VAT1L: variants seen among roughly 807,000 people sequenced by gnomAD.
VAT1L encodes vesicle amine transport 1 like.
VAT1L carries 34 observed loss-of-function variants against 44.1 expected under a neutral mutation model. The ratio of observed to expected loss-of-function variants is 0.77; its 90% CI spans 0.59 to 1.03. The LOEUF is 1.03. Among genes scored for constraint, VAT1L ranks in the 50% least tolerant of loss-of-function variants. The pLI is 0.00. For synonymous variants in VAT1L, 253 were observed against 202.2 expected (o/e 1.25, Z -2.13); for missense variants, 615 against 538.8 (o/e 1.14, Z -1.40).
chr16:77,922,407 C>G (rs555025070), intron 7 of VAT1L, among the ~76,000 whole-genome samples: 2 of 152,256 alleles, frequency 1.3e-5, no homozygotes, highest in South Asian at 4.1e-4. Flanking sequence ...ACAAAGGGAG[C>G]CTAAGCCACT....
chr16:77,821,578 C>G (rs1042944016), intron 2 of VAT1L, among the ~76,000 whole-genome samples: 1 of 152,156 alleles, frequency 6.6e-6, no homozygotes, highest in African/African-American at 2.4e-5. Context: ...CAGGCATGAG[C>G]CACCGTGCCC....
At chr16:77,892,599 T>G (rs2017279614) in intron 7 of VAT1L, 3 of 658,976 alleles carry the variant, frequency 4.6e-6, no homozygotes, top group South Asian at 4.1e-5. Flanking sequence ...ATTCCAGGGT[T>G]TATGTGTCAA....
intron 8 of VAT1L, among the ~76,000 whole-genome samples, chr16:77,975,865 G>A (rs985326358): frequency 2.0e-5 from 3 of 152,206 alleles, no homozygotes; most frequent in African/African-American, 7.2e-5. Context: ...AGAGAATAGA[G>A]GTGGCCTTTC....
At chr16:77,865,519 G>T (rs546572268) in intron 4 of VAT1L, among the ~76,000 whole-genome samples, 1 of 152,160 alleles carries the variant, frequency 6.6e-6, no homozygotes, top group Admixed American at 6.5e-5. Flanking sequence ...GAGTCTTAAC[G>T]GAGGGAGAGG....
intron 7 of VAT1L, among the ~76,000 whole-genome samples, chr16:77,899,603 T>C (rs948324569): frequency 6.6e-6 from 1 of 152,206 alleles, no homozygotes. Context: ...CCAAAATGTG[T>C]GTCATTTTCA....
At chr16:77,870,062 G>A (rs548975480) in intron 4 of VAT1L, among the ~76,000 whole-genome samples, 1 of 152,298 alleles carries the variant, frequency 6.6e-6, no homozygotes, top group East Asian at 1.9e-4. Context: ...GTAGTATTGC[G>A]AAGTACATAT....
At chr16:77,939,142 A>G (rs947550304) in intron 7 of VAT1L, among the ~76,000 whole-genome samples, 12 of 152,190 alleles carry the variant, frequency 7.9e-5, no homozygotes, top group Non-Finnish European at 1.8e-4. Context: ...TTCCTCTGCT[A>G]GCTAAACAGA....
chr16:77,908,727 A>G (rs534115219), intron 7 of VAT1L, among the ~76,000 whole-genome samples: 1 of 152,044 alleles, frequency 6.6e-6, no homozygotes, highest in South Asian at 2.1e-4. Context: ...CATCCTGGCT[A>G]ACACAGCGAA....
intron 7 of VAT1L, among the ~76,000 whole-genome samples, chr16:77,920,789 C>T (rs536889500): frequency 6.6e-6 from 1 of 152,276 alleles, no homozygotes; most frequent in Admixed American, 6.5e-5. Flanking sequence ...GAGCAATAAA[C>T]TGTACCATAC....
At chr16:77,905,795 G>T (rs1567504207) in intron 7 of VAT1L, among the ~76,000 whole-genome samples, 1 of 152,180 alleles carries the variant, frequency 6.6e-6, no homozygotes, top group Non-Finnish European at 1.5e-5. Flanking sequence ...TCATAGGCCT[G>T]CAGTGTTGAG....
chr16:77,974,486 A>C (rs2018314269), intron 8 of VAT1L, among the ~76,000 whole-genome samples: 2 of 152,184 alleles, frequency 1.3e-5, no homozygotes, highest in Admixed American at 6.5e-5. Flanking sequence ...GCAGATGCTG[A>C]AAAATCCACC....
intron 1 of VAT1L, among the ~76,000 whole-genome samples, chr16:77,803,564 C>T (rs1029345673): frequency 2.6e-5 from 4 of 151,754 alleles, no homozygotes; most frequent in Non-Finnish European, 4.4e-5. Context: ...GGACTACAGG[C>T]GCCCTCCACC....
intron 3 of VAT1L, among the ~76,000 whole-genome samples, chr16:77,831,891 C>A (rs2016582588): frequency 6.6e-6 from 1 of 151,996 alleles, no homozygotes; most frequent in African/African-American, 2.4e-5. Flanking sequence ...TCTCGGCTCA[C>A]TGCAACTTCT....
At chr16:77,831,598 A>T (rs1051543370) in intron 3 of VAT1L, among the ~76,000 whole-genome samples, 1 of 152,144 alleles carries the variant, frequency 6.6e-6, no homozygotes, top group African/African-American at 2.4e-5. Context: ...CCTGACCGGT[A>T]CTCCTCAAAC....
intron 3 of VAT1L, among the ~76,000 whole-genome samples, chr16:77,860,658 T>C (rs1347190992): frequency 6.6e-6 from 1 of 152,244 alleles, no homozygotes; most frequent in South Asian, 2.1e-4. Context: ...GCCAGCAAAT[T>C]TTAGAGAATT....
intron 7 of VAT1L, among the ~76,000 whole-genome samples, chr16:77,952,330 C>T (rs745783588): frequency 6.6e-6 from 1 of 152,126 alleles, no homozygotes; most frequent in Non-Finnish European, 1.5e-5. Context: ...TAATCCCCAA[C>T]GTTGGAGATG....
At chr16:77,888,355 C>A (rs1162017420) in intron 7 of VAT1L, among the ~76,000 whole-genome samples, 3 of 152,174 alleles carry the variant, frequency 2.0e-5, no homozygotes, top group Non-Finnish European at 4.4e-5. Context: ...ACCCCAGTGC[C>A]TGGCATGGAA....
At chr16:77,919,873 C>G (rs897199413) in intron 7 of VAT1L, among the ~76,000 whole-genome samples, 2 of 152,082 alleles carry the variant, frequency 1.3e-5, no homozygotes, top group African/African-American at 2.4e-5. Flanking sequence ...AGATCACTTG[C>G]GGTCAGGAGT....
intron 7 of VAT1L, among the ~76,000 whole-genome samples, chr16:77,968,398 C>T (rs576229358): frequency 6.6e-6 from 1 of 152,298 alleles, no homozygotes; most frequent in East Asian, 1.9e-4. Context: ...AACACGTTCA[C>T]CCTGGGTACA....
Sources: allele counts gnomAD v4.1 joint callset (sites outside exome capture counted in the v4.1 genomes callset), GRCh38; gene constraint gnomAD v4.1.1; transcripts MANE v1.5; gene names NCBI Gene and HGNC (gene_info 2026-07-23, HGNC 2026-07-21).